Variants in NDUFC2 observed in about 807,000 individuals in gnomAD.
NDUFC2 encodes NADH:ubiquinone oxidoreductase subunit C2.
In NDUFC2, 2 loss-of-function variants were observed where a neutral mutation model predicts 10.1. The observed-to-expected ratio is 0.20, with a 90% CI of 0.08 to 0.62. NDUFC2 has a LOEUF of 0.62. Among genes scored for constraint, NDUFC2 ranks in the 20% least tolerant of loss-of-function variants. The pLI is 0.87. For synonymous variants in NDUFC2, 61 were observed against 63.6 expected (o/e 0.96, Z 0.20); for missense variants, 156 against 159.6 (o/e 0.98, Z 0.12).
chr11:78,077,714 C>T (rs1022441828), intron 1 of NDUFC2, among the ~76,000 whole-genome samples: 6 of 152,120 alleles, frequency 3.9e-5, no homozygotes, highest in Admixed American at 6.5e-5. Context: ...CATCACCATG[C>T]CTGGCTAATT....
intron 1 of NDUFC2, among the ~76,000 whole-genome samples, chr11:78,078,881 C>T (rs1458780717): frequency 7.0e-6 from 1 of 142,248 alleles, no homozygotes; most frequent in African/African-American, 2.6e-5. Context: ...TGCACCACCA[C>T]GCCCGGCTAA....
chr11:78,072,432 C>G (rs757863291), intron 2 of NDUFC2, among the ~76,000 whole-genome samples: 2 of 151,620 alleles, frequency 1.3e-5, no homozygotes, highest in Non-Finnish European at 2.9e-5. Flanking sequence ...CCCCGCTCGG[C>G]CCCCCAAAGT....
At chr11:78,078,749 A>G (rs1483274285) in intron 1 of NDUFC2, among the ~76,000 whole-genome samples, 2 of 10,072 alleles carry the variant, frequency 2.0e-4, no homozygotes, top group Non-Finnish European at 4.0e-4. Context: ...TTTTTGAGAC[A>G]GGGTCTCACT....
At position 78,069,720 on chromosome 11, in the gene NDUFC2, G is replaced by A; in HGVS notation, c.*267C>T. The stretch of plus-strand genomic sequence containing the variant: ...GTTCCAATGAGACTTTATTGGCAGT[G>A]GGCCAGATTTGGGTAGTCTGCTAAC... On this transcript the variant is annotated 3_prime_UTR_variant, in exon 3 of 3. Transcript: ENST00000281031. The A allele has an allele frequency of 1.5e-6, 1 of 668,750 alleles. No homozygotes were observed. The highest frequency in any genetic ancestry group is 2.5e-6 in the Non-Finnish European group (1 of 399,974). 41.4% of individuals were successfully genotyped at this position (668,750 alleles called of 1,614,324 possible).
chr11:78,078,728 C>CTTTTTTTTTTTTTTTTTTTTTTTCTTTTT (rs71046953), intron 1 of NDUFC2, among the ~76,000 whole-genome samples: 1 of 61,642 alleles, frequency 1.6e-5, no homozygotes, highest in East Asian at 4.6e-4. Flanking sequence ...TCAGGATCCG[C>CTTTTTTTTTTTTTTTTTTTTTTTCTTTTT]TTTTTTTTTT....
At position 78,073,071 on chromosome 11, in the gene NDUFC2, G is replaced by T. The variant is rs2136827853; in HGVS notation, c.237C>A (p.Asp79Glu). Reference protein sequence around the residue: ...FAGYYLVKREDYLYAVRDREM... With the variant: ...FAGYYLVKREEYLYAVRDREM... ...CACGGTCCCTCACAGCATACAGGTAGTCTTCACGTTTTACAAGATAATATC... is the reference window on the plus strand; with the variant it reads ...CACGGTCCCTCACAGCATACAGGTATTCTTCACGTTTTACAAGATAATATC... Residue 79 changes from aspartate (D) to glutamate (E), a missense_variant, in exon 2 of 3, where the codon GAC becomes GAA. Coordinates refer to ENST00000281031, the MANE Select transcript of NDUFC2 (RefSeq NM_004549.6). 1.2e-6 allele frequency: 2 copies of T among 1,613,936 alleles called. No homozygotes were observed. The highest frequency in any genetic ancestry group is 2.2e-5 in the South Asian group (2 of 91,070).
chr11:78,077,884 A>G (rs895966044), intron 1 of NDUFC2, among the ~76,000 whole-genome samples: 2 of 152,156 alleles, frequency 1.3e-5, no homozygotes, highest in Admixed American at 1.3e-4. Flanking sequence ...TTTAGTTCCA[A>G]AGTGGAGCTC....
At chr11:78,072,920 G>A (rs1357085325) in intron 2 of NDUFC2, 78 bp downstream of exon 2, 6 of 1,551,402 alleles carry the variant, frequency 3.9e-6, no homozygotes, top group South Asian at 2.4e-5. Context: ...GGTATCTAAA[G>A]CCATACACAT....
chr11:78,074,274 T>C (rs1219508730), intron 1 of NDUFC2, among the ~76,000 whole-genome samples: 3 of 152,032 alleles, frequency 2.0e-5, no homozygotes, highest in Non-Finnish European at 4.4e-5. Context: ...AATAAATGAA[T>C]GAACAGCCTT....
chr11:78,077,023 G>A (rs1859279360), intron 1 of NDUFC2, among the ~76,000 whole-genome samples: 1 of 152,204 alleles, frequency 6.6e-6, no homozygotes, highest in Non-Finnish European at 1.5e-5. Flanking sequence ...CAGGCACAGT[G>A]GCTCACACCT....
At position 78,069,493 on chromosome 11, in the gene NDUFC2, T is replaced by G. The variant is rs958552922; in HGVS notation, c.*494A>C. 1 of 211,882 alleles carries G rather than the reference T, an allele frequency of 4.7e-6. No individual in the cohort carries two copies. The allele number at this position is 211,882 out of a possible 1,614,324, so 13.1% of individuals were successfully genotyped here. A position where few individuals can be genotyped will look rare whatever the true frequency, so the allele number is the denominator to read the frequency against. ...ACCTACAGGATGAAGTCAAAATTAT[T>G]TGGCAAGAGTCACAGAATCCTCCAT... On this transcript the variant is annotated 3_prime_UTR_variant, in exon 3 of 3. Coordinates refer to ENST00000281031, the MANE Select transcript of NDUFC2 (RefSeq NM_004549.6).
At position 78,069,817 on chromosome 11, in the gene NDUFC2, T is replaced by C; in HGVS notation, c.*170A>G. On this transcript the variant is annotated 3_prime_UTR_variant, in exon 3 of 3. Coordinates refer to ENST00000281031, the MANE Select transcript of NDUFC2 (RefSeq NM_004549.6). ...ATGGAAACTGACCATTCTCTGATGA[T>C]GAACTATTTTTCTTACAACAATAAA... 1.4e-6 allele frequency: 2 copies of C among 1,423,776 alleles called. No homozygotes were observed. The highest frequency in any genetic ancestry group is 1.3e-5 in the South Asian group (1 of 77,972). 88.2% of individuals were successfully genotyped at this position (1,423,776 alleles called of 1,614,324 possible). A position where few individuals can be genotyped will look rare whatever the true frequency, so the allele number is the denominator to read the frequency against.
intron 2 of NDUFC2, among the ~76,000 whole-genome samples, chr11:78,071,141 G>T (rs1359472227): frequency 6.6e-6 from 1 of 152,108 alleles, no homozygotes; most frequent in Non-Finnish European, 1.5e-5. Context: ...TGTGACTGAA[G>T]GCTGTGGGAA....
At chr11:78,072,437 C>G (rs1343962243) in intron 2 of NDUFC2, among the ~76,000 whole-genome samples, 2 of 152,232 alleles carry the variant, frequency 1.3e-5, no homozygotes, top group African/African-American at 4.8e-5. Flanking sequence ...CTCGGCCCCC[C>G]AAAGTGCTGG....
At chr11:78,077,856 G>A (rs1298535380) in intron 1 of NDUFC2, among the ~76,000 whole-genome samples, 2 of 152,150 alleles carry the variant, frequency 1.3e-5, no homozygotes, top group East Asian at 1.9e-4. Flanking sequence ...CAGTGCCTGT[G>A]CCTAGTGAGC....
intron 1 of NDUFC2, among the ~76,000 whole-genome samples, chr11:78,079,109 A>G (rs1195740626): frequency 1.2e-5 from 1 of 81,314 alleles, no homozygotes; most frequent in African/African-American, 6.0e-5. Context: ...ATCCATTCAG[A>G]GGTCAAAAAA....
chr11:78,073,194 T>C (rs1859091558), intron 1 of NDUFC2, 53 bp from the exon 2 acceptor site: 1 of 1,608,676 alleles, frequency 6.2e-7, no homozygotes, highest in African/African-American at 1.3e-5. Flanking sequence ...CCATGTGTAT[T>C]AAGAGTTACA....
chr11:78,072,326 C>T (rs962584102), intron 2 of NDUFC2, among the ~76,000 whole-genome samples: 15 of 152,126 alleles, frequency 9.9e-5, no homozygotes, highest in Non-Finnish European at 1.8e-4. Flanking sequence ...TACAGGCACC[C>T]GCCATCATGC....
chr11:78,073,803 A>C (rs12799709), intron 1 of NDUFC2, among the ~76,000 whole-genome samples: 1 of 6,794 alleles, frequency 1.5e-4, no homozygotes, highest in Non-Finnish European at 3.6e-4. Flanking sequence ...CTCTGTCTCA[A>C]AAAAAAAAAA....
Sources: gnomAD v4.1 joint callset for allele counts (sites outside exome capture counted in the v4.1 genomes callset) on GRCh38, gnomAD v4.1.1 for gene constraint, MANE v1.5 for transcripts, NCBI Gene and HGNC (gene_info 2026-07-23, HGNC 2026-07-21) for gene names.